Variants in FBN1 observed in about 807,000 individuals in gnomAD.
The protein encoded by FBN1 is fibrillin-1.
Under a neutral mutation model 365.1 loss-of-function variants are expected in FBN1, and 29 were observed. The observed-to-expected ratio is 0.08, with a 90% CI of 0.06 to 0.11. FBN1 has a LOEUF of 0.11. Among genes scored for constraint, FBN1 ranks in the 10% least tolerant of loss-of-function variants. FBN1 has a pLI of 1.00. For synonymous variants in FBN1, 1,210 were observed against 1,270.5 expected (o/e 0.95, Z 1.01); for missense variants, 2,476 against 3,703.2 (o/e 0.67, Z 8.60).
At chr15:48,434,495 T>C in intron 54 of FBN1, 99 bp downstream of exon 54, 1 of 1,461,812 alleles carries the variant, frequency 6.8e-7, no homozygotes, top group South Asian at 1.1e-5. Context: ...ATCTTTATTA[T>C]ATACACCCTG....
At chr15:48,570,425 A>C (rs1334344725) in intron 6 of FBN1, among the ~76,000 whole-genome samples, 1 of 152,136 alleles carries the variant, frequency 6.6e-6, no homozygotes, top group African/African-American at 2.4e-5. Flanking sequence ...CACATGCAAA[A>C]AATTTGTTTT....
At chr15:48,417,458 T>TCCTTCCTTCCTTCCTC (rs1279125826) in intron 63 of FBN1, among the ~76,000 whole-genome samples, 1 of 118,246 alleles carries the variant, frequency 8.5e-6, no homozygotes, top group Non-Finnish European at 1.7e-5. Context: ...TTTCCTTCCT[T>TCCTTCCTTCCTTCCTC]CCTTCCTTCC....
chr15:48,598,541 C>T (rs1487953840), intron 5 of FBN1, among the ~76,000 whole-genome samples: 1 of 152,150 alleles, frequency 6.6e-6, no homozygotes, highest in African/African-American at 2.4e-5. Flanking sequence ...TTTCCCCTCA[C>T]TCTCCTCTGC....
intron 8 of FBN1, among the ~76,000 whole-genome samples, chr15:48,533,331 A>G (rs2043988297): frequency 6.6e-6 from 1 of 152,216 alleles, no homozygotes; most frequent in Non-Finnish European, 1.5e-5. Flanking sequence ...TATATAAGTT[A>G]CATGCACTCA....
In FBN1 at chr15:48,437,385, C is replaced by T; in HGVS notation, c.6316G>A (p.Ala2106Thr). 2 of 1,612,488 alleles carry T rather than the reference C, an allele frequency of 1.2e-6. No individual in the cohort carries two copies. The highest frequency in any genetic ancestry group is 1.7e-6 in the Non-Finnish European group (2 of 1,178,708). The change falls in exon 52 of 66, where the codon GCC becomes ACC. Residue 2106 changes from alanine (A) to threonine (T), a missense_variant and splice_region_variant. Transcript: ENST00000316623. Reference protein sequence around the residue: ...CELCPTEPDEAFRQICPYGSG... With the variant: ...CELCPTEPDETFRQICPYGSG... The stretch of plus-strand genomic sequence containing the variant: ...CCATAAGGACATATCTGGCGGAAGG[C>T]CTCTGTGGTGGAGACACTCATTAAT...
intron 40 of FBN1, among the ~76,000 whole-genome samples, chr15:48,464,506 ACT>A (rs2043304757): frequency 1.3e-5 from 2 of 152,170 alleles, no homozygotes; most frequent in Middle Eastern, 3.4e-3. Flanking sequence ...ACAGAGCAAG[ACT>A]CTGTCTCGAA....
chr15:48,589,896 G>T (rs918576930), intron 6 of FBN1, among the ~76,000 whole-genome samples: 2 of 152,130 alleles, frequency 1.3e-5, no homozygotes, highest in Non-Finnish European at 2.9e-5. Flanking sequence ...GATTACAGGC[G>T]TGAGCCACCA....
intron 6 of FBN1, among the ~76,000 whole-genome samples, chr15:48,566,839 A>G (rs2044261584): frequency 6.6e-6 from 1 of 152,242 alleles, no homozygotes; most frequent in Non-Finnish European, 1.5e-5. Flanking sequence ...AATCTTGGAA[A>G]ATCCAAAATA....
chr15:48,506,572 T>G (rs982042495), intron 15 of FBN1, among the ~76,000 whole-genome samples: 2 of 152,240 alleles, frequency 1.3e-5, no homozygotes, highest in African/African-American at 4.8e-5. Context: ...AACGGAGATG[T>G]AAGGTAGATC....
intron 6 of FBN1, among the ~76,000 whole-genome samples, chr15:48,591,486 C>G (rs937793905): frequency 1.3e-5 from 2 of 152,176 alleles, no homozygotes; most frequent in Non-Finnish European, 2.9e-5. Context: ...TTAGTTCAGT[C>G]CTTTGGAGCA....
At chr15:48,569,611 T>G (rs1036992936) in intron 6 of FBN1, among the ~76,000 whole-genome samples, 7 of 152,112 alleles carry the variant, frequency 4.6e-5, no homozygotes, top group South Asian at 2.1e-4. Context: ...ATATGATATA[T>G]CCTTACAATG....
intron 49 of FBN1, among the ~76,000 whole-genome samples, chr15:48,442,757 T>A (rs1379743026): frequency 7.9e-5 from 12 of 152,236 alleles, no homozygotes; most frequent in Admixed American, 7.9e-4. Flanking sequence ...TGGAAAAATA[T>A]GCCCACTCTA....
chr15:48,445,060 C>A (rs1441558727), intron 48 of FBN1, among the ~76,000 whole-genome samples: 1 of 149,486 alleles, frequency 6.7e-6, no homozygotes, highest in African/African-American at 2.5e-5. Context: ...TTTGAGTATT[C>A]TTGGTGAGTA....
chr15:48,550,059 A>G (rs913113123), intron 6 of FBN1, among the ~76,000 whole-genome samples: 1 of 152,232 alleles, frequency 6.6e-6, no homozygotes, highest in African/African-American at 2.4e-5. Flanking sequence ...GCTAGAACCT[A>G]AAGACAATAA....
intron 6 of FBN1, among the ~76,000 whole-genome samples, chr15:48,570,259 G>C (rs1195583800): frequency 4.6e-5 from 7 of 151,986 alleles, no homozygotes; most frequent in African/African-American, 1.7e-4. Context: ...CTAATCCTAG[G>C]ACTTAACACA....
chr15:48,461,474 A>G (rs1432344231), intron 42 of FBN1, among the ~76,000 whole-genome samples: 1 of 152,208 alleles, frequency 6.6e-6, no homozygotes, highest in Non-Finnish European at 1.5e-5. Context: ...TAAAAAAATT[A>G]ATTTTGTGTA....
intron 13 of FBN1, 146 bp downstream of exon 13, chr15:48,513,403 C>T (rs889807789): frequency 4.7e-6 from 5 of 1,057,854 alleles, no homozygotes; most frequent in Admixed American, 1.8e-5. Context: ...TTCAGAATGA[C>T]AATAGGTGGA....
intron 8 of FBN1, among the ~76,000 whole-genome samples, chr15:48,527,425 G>C: frequency 6.6e-6 from 1 of 152,238 alleles, no homozygotes; most frequent in South Asian, 2.1e-4. Context: ...CAGGGAATCT[G>C]CATGGCCTCC....
intron 5 of FBN1, among the ~76,000 whole-genome samples, chr15:48,597,337 C>T (rs1208299165): frequency 2.0e-5 from 3 of 152,210 alleles, no homozygotes; most frequent in African/African-American, 7.2e-5. Flanking sequence ...CAAGGGCAGG[C>T]TCACAGCCAA....
Sources: gnomAD v4.1 joint callset for allele counts (sites outside exome capture counted in the v4.1 genomes callset) on GRCh38, gnomAD v4.1.1 for gene constraint, MANE v1.5 for transcripts, NCBI Gene and HGNC (gene_info 2026-07-23, HGNC 2026-07-21) for gene names.